The following SLC10A7 variants were observed in gnomAD, a reference collection of about 807,000 sequenced individuals.
SLC10A7 encodes the protein sodium/bile acid cotransporter 7.
SLC10A7 carries 29 observed loss-of-function variants against 43.2 expected under a neutral mutation model. The ratio of observed to expected loss-of-function variants is 0.67; its 90% CI spans 0.50 to 0.92. The LOEUF (loss-of-function observed/expected upper bound fraction) is 0.92. Among genes scored for constraint, SLC10A7 ranks in the 40% least tolerant of loss-of-function variants. SLC10A7 has a pLI of 0.00. For missense variants in SLC10A7, 295 were observed against 403.2 expected, an observed-to-expected ratio of 0.73 and a Z score of 2.30; for synonymous variants, 152 against 144.8, an observed-to-expected ratio of 1.05 and a Z score of -0.35.
intron 9 of SLC10A7, among the ~76,000 whole-genome samples, chr4:146,286,156 T>C (rs1417592442): frequency 6.6e-6 from 1 of 150,642 alleles, no homozygotes; most frequent in East Asian, 2.0e-4. Context: ...AGGACTGAGT[T>C]TGGAGTGGTG....
chr4:146,257,146 C>T (rs6856256), intron 11 of SLC10A7, among the ~76,000 whole-genome samples: 1 of 152,044 alleles, frequency 6.6e-6, no homozygotes, highest in Admixed American at 6.5e-5. Flanking sequence ...TTTACATGTA[C>T]AAATTCTGAC....
chr4:146,447,864 A>G (rs1238924220), intron 4 of SLC10A7, among the ~76,000 whole-genome samples: 3 of 152,146 alleles, frequency 2.0e-5, no homozygotes, highest in Admixed American at 6.5e-5. Flanking sequence ...AGCAAGTTCA[A>G]TAATGAATTA....
chr4:146,422,608 A>T (rs1463391090), intron 5 of SLC10A7, among the ~76,000 whole-genome samples: 1 of 152,178 alleles, frequency 6.6e-6, no homozygotes, highest in African/African-American at 2.4e-5. Context: ...TTCTTGCAGA[A>T]ATCCAGCTAT....
intron 5 of SLC10A7, among the ~76,000 whole-genome samples, chr4:146,347,072 T>A (rs1044945532): frequency 6.6e-6 from 1 of 152,010 alleles, no homozygotes; most frequent in Non-Finnish European, 1.5e-5. Flanking sequence ...AGATGTAACA[T>A]CTAAACTAAG....
intron 1 of SLC10A7, 109 bp downstream of exon 1, chr4:146,521,509 C>T (rs1738655588): frequency 7.1e-6 from 6 of 845,216 alleles, no homozygotes; most frequent in Admixed American, 2.3e-5. Context: ...GGTCAGTGCC[C>T]CCTGAAATTG....
intron 6 of SLC10A7, among the ~76,000 whole-genome samples, chr4:146,309,034 C>T (rs955037459): frequency 1.8e-4 from 27 of 152,076 alleles, no homozygotes; most frequent in South Asian, 4.1e-4. Flanking sequence ...AAGCTGAGGT[C>T]GGTGTGCACG....
At chr4:146,386,067 A>G (rs1389615627) in intron 5 of SLC10A7, among the ~76,000 whole-genome samples, 12 of 152,178 alleles carry the variant, frequency 7.9e-5, no homozygotes, top group Non-Finnish European at 1.3e-4. Flanking sequence ...TTTTTGGAAG[A>G]CCAATTTATT....
intron 5 of SLC10A7, among the ~76,000 whole-genome samples, chr4:146,332,442 G>C (rs2149715096): frequency 6.6e-6 from 1 of 152,310 alleles, no homozygotes; most frequent in Middle Eastern, 3.4e-3. Flanking sequence ...GATCCTTCAT[G>C]AATTGTTTAG....
chr4:146,339,300 T>C (rs1033074733), intron 5 of SLC10A7, among the ~76,000 whole-genome samples: 2 of 151,992 alleles, frequency 1.3e-5, no homozygotes, highest in Non-Finnish European at 2.9e-5. Flanking sequence ...GTCTAAATGA[T>C]GGCACACACT....
chr4:146,485,076 A>G (rs1734796436), intron 4 of SLC10A7, among the ~76,000 whole-genome samples: 1 of 152,212 alleles, frequency 6.6e-6, no homozygotes, highest in South Asian at 2.1e-4. Context: ...CCACTGGAAA[A>G]AAATATGTAG....
At chr4:146,335,249 T>G (rs1733800361) in intron 5 of SLC10A7, among the ~76,000 whole-genome samples, 1 of 80,946 alleles carries the variant, frequency 1.2e-5, no homozygotes, top group Non-Finnish European at 2.1e-5. Context: ...CCACAGATGT[T>G]GTAAAAAAAA....
chr4:146,317,848 C>T (rs1413322789), intron 6 of SLC10A7, among the ~76,000 whole-genome samples: 1 of 151,970 alleles, frequency 6.6e-6, no homozygotes, highest in Non-Finnish European at 1.5e-5. Flanking sequence ...ATACTATTGG[C>T]TTCTCTGATT....
chr4:146,465,024 T>C (rs948499691), intron 4 of SLC10A7, among the ~76,000 whole-genome samples: 1 of 152,126 alleles, frequency 6.6e-6, no homozygotes, highest in Non-Finnish European at 1.5e-5. Flanking sequence ...AGACAGAGCA[T>C]CCCACTAGAA....
chr4:146,343,766 TA>T (rs199637529), intron 5 of SLC10A7, among the ~76,000 whole-genome samples: 1 of 151,832 alleles, frequency 6.6e-6, no homozygotes, highest in African/African-American at 2.4e-5. Context: ...TTAACATCAA[TA>T]AAAAAAGGAT....
At chr4:146,284,683 A>G (rs1729772335) in intron 9 of SLC10A7, among the ~76,000 whole-genome samples, 2 of 152,218 alleles carry the variant, frequency 1.3e-5, no homozygotes, top group East Asian at 3.8e-4. Context: ...ATTGAGTATA[A>G]TAAGACTGGC....
chr4:146,344,769 A>G (rs1734501087), intron 5 of SLC10A7, among the ~76,000 whole-genome samples: 1 of 152,146 alleles, frequency 6.6e-6, no homozygotes. Context: ...ATGCAAAACA[A>G]TAGTACTCTT....
intron 4 of SLC10A7, among the ~76,000 whole-genome samples, chr4:146,491,635 T>A (rs1735424810): frequency 6.7e-6 from 1 of 148,200 alleles, no homozygotes; most frequent in Non-Finnish European, 1.5e-5. Context: ...AGTTTCTGCC[T>A]GTGTGAAGAA....
intron 5 of SLC10A7, among the ~76,000 whole-genome samples, chr4:146,412,108 G>A (rs1284276282): frequency 6.6e-6 from 1 of 151,880 alleles, no homozygotes; most frequent in Non-Finnish European, 1.5e-5. Flanking sequence ...TGTGAAGTAC[G>A]CTGTTATCTC....
At chr4:146,452,754 G>A (rs1006600992) in intron 4 of SLC10A7, among the ~76,000 whole-genome samples, 25 of 151,860 alleles carry the variant, frequency 1.6e-4, no homozygotes, top group Middle Eastern at 3.4e-3. Context: ...TATACACTAC[G>A]CTCAATATTA....
Sources: gnomAD v4.1 joint callset for allele counts (sites outside exome capture counted in the v4.1 genomes callset) on GRCh38, gnomAD v4.1.1 for gene constraint, MANE v1.5 for transcripts, NCBI Gene and HGNC (gene_info 2026-07-23, HGNC 2026-07-21) for gene names.